GPD2: variants seen among roughly 807,000 people sequenced by gnomAD.
GPD2 encodes the protein glycerol-3-phosphate dehydrogenase, mitochondrial.
Under a neutral mutation model 82.4 loss-of-function variants are expected in GPD2, and 54 were observed. The observed-to-expected ratio is 0.66, with a 90% CI of 0.53 to 0.82. The LOEUF is 0.82. GPD2 is among the 40% of genes least tolerant of loss of function. GPD2 has a pLI of 0.00. For missense variants in GPD2, 748 were observed against 896.2 expected (o/e 0.83, Z 2.11); for synonymous variants, 288 against 306.1 (o/e 0.94, Z 0.62).
chr2:156,558,214 C>G (rs989615608), intron 9 of GPD2, among the ~76,000 whole-genome samples: 1 of 152,108 alleles, frequency 6.6e-6, no homozygotes, highest in African/African-American at 2.4e-5. Flanking sequence ...CATTGTGCTT[C>G]TATATTTCCT....
intron 3 of GPD2, among the ~76,000 whole-genome samples, chr2:156,509,085 A>G (rs1386896279): frequency 6.6e-6 from 1 of 152,202 alleles, no homozygotes; most frequent in Non-Finnish European, 1.5e-5. Context: ...TAAATTCGCT[A>G]GGCATTGCTA....
chr2:156,463,281 AT>A (rs200512031), intron 1 of GPD2, among the ~76,000 whole-genome samples: 75 of 150,880 alleles, frequency 5.0e-4, no homozygotes, highest in African/African-American at 1.6e-3. Flanking sequence ...AGAATACAGA[AT>A]TTTTTTTTTA....
intron 1 of GPD2, among the ~76,000 whole-genome samples, chr2:156,472,377 G>C (rs1683361844): frequency 6.6e-6 from 1 of 152,274 alleles, no homozygotes; most frequent in Non-Finnish European, 1.5e-5. Flanking sequence ...CTGGAGTGCA[G>C]TGGCGCAGTC....
Position 156,570,083 on chromosome 2 carries a change from C to T in GPD2, c.1477-4C>T. On this transcript the variant is annotated splice_polypyrimidine_tract_variant and splice_region_variant and intron_variant, in intron 11 of 16. Coordinates refer to ENST00000438166, the MANE Select transcript of GPD2 (RefSeq NM_000408.5). ...GCCTGCCTAACGCAGCTTTATTTCT[C>T]TAGGTGGCACAGCATCTTGCCGCCA... The T allele has an allele frequency of 6.2e-7, 1 of 1,610,896 alleles. No homozygotes were observed. Among genetic ancestry groups the T allele is most frequent in the South Asian group, 1.1e-5 (1 of 90,966 alleles).
chr2:156,503,518 T>A (rs1361317793), intron 3 of GPD2, among the ~76,000 whole-genome samples: 1 of 152,192 alleles, frequency 6.6e-6, no homozygotes, highest in Non-Finnish European at 1.5e-5. Context: ...CGGGTCAGAA[T>A]TTTATTTATA....
At position 156,436,448 on chromosome 2, in the gene GPD2, C is replaced by A. The variant is rs1573864859; in HGVS notation, c.-74C>A. 1 of 152,566 alleles carries A rather than the reference C, an allele frequency of 6.6e-6. No homozygotes were observed. Among genetic ancestry groups the A allele is most frequent in the Admixed American group, 6.5e-5 (1 of 15,304 alleles). The allele number at this position is 152,566 out of a possible 1,614,324, so 9.5% of individuals were successfully genotyped here. Reference sequence around the variant, plus strand: ...CTCTGATTCTGGGGGGAGGCCGACTCCACCCTGGCTGGAGGAACTGGGTGC... The same window carrying A: ...CTCTGATTCTGGGGGGAGGCCGACTACACCCTGGCTGGAGGAACTGGGTGC... On this transcript the variant is annotated 5_prime_UTR_variant, in exon 1 of 17. Transcript: ENST00000438166.
intron 6 of GPD2, among the ~76,000 whole-genome samples, 182 bp downstream of exon 6, chr2:156,513,678 A>G (rs557009546): frequency 6.6e-6 from 1 of 152,200 alleles, no homozygotes; most frequent in South Asian, 2.1e-4. Flanking sequence ...TAACCATACC[A>G]TTTTACCTTT....
At position 156,493,813 on chromosome 2, in the gene GPD2, A is replaced by G. The variant is rs1447859242; in HGVS notation, c.103-2231A>G. On this transcript the variant is annotated intron_variant, in intron 2 of 16. Transcript: ENST00000438166. The stretch of plus-strand genomic sequence containing the variant: ...AGTCCTACCCATCTGTCCTGGCGCA[A>G]TTGAAACCCTCAAATGAAAGACTCT... 2.6e-5 allele frequency among the ~76,000 whole-genome samples: 4 copies of G among 152,188 alleles called. No individual in the cohort carries two copies. In the East Asian group the frequency reaches 5.8e-4, roughly 22 times the overall value.
At chr2:156,497,511 T>G (rs2105244608) in intron 3 of GPD2, among the ~76,000 whole-genome samples, 1 of 152,330 alleles carries the variant, frequency 6.6e-6, no homozygotes, top group East Asian at 1.9e-4. Context: ...ATTTTAACAC[T>G]GAATGGGAAT....
At chr2:156,434,253 G>A (rs1416482787), upstream of GPD2, among the ~76,000 whole-genome samples, 1 of 152,042 alleles carries the variant, frequency 6.6e-6, no homozygotes, top group Admixed American at 6.6e-5. Flanking sequence ...ACAGGTGTTT[G>A]CCACCATGCC....
At chr2:156,520,873 A>T (rs1466716567) in intron 6 of GPD2, among the ~76,000 whole-genome samples, 1 of 152,210 alleles carries the variant, frequency 6.6e-6, no homozygotes, top group Non-Finnish European at 1.5e-5. Context: ...GGCGTGAGCC[A>T]CCATGCCCGG....
the GPD2 span, among the ~76,000 whole-genome samples, chr2:156,425,977 C>T: frequency 3.4e-5 from 5 of 148,344 alleles, no homozygotes; most frequent in African/African-American, 1.2e-4. Context: ...GGCTGGAGTG[C>T]AGTGGCGCCA....
At chr2:156,502,383 A>G (rs1459071210) in intron 3 of GPD2, among the ~76,000 whole-genome samples, 1 of 152,156 alleles carries the variant, frequency 6.6e-6, no homozygotes, top group Non-Finnish European at 1.5e-5. Context: ...TATTTACAAA[A>G]TAGCAAACAG....
intron 9 of GPD2, among the ~76,000 whole-genome samples, chr2:156,561,721 A>G (rs764515415): frequency 4.6e-5 from 7 of 152,220 alleles, no homozygotes; most frequent in Non-Finnish European, 8.8e-5. Context: ...GGTTGAAATA[A>G]TCATTCTAAA....
At chr2:156,546,957 C>T (rs1157871763) in intron 6 of GPD2, among the ~76,000 whole-genome samples, 1 of 152,016 alleles carries the variant, frequency 6.6e-6, no homozygotes, top group South Asian at 2.1e-4. Flanking sequence ...CTAAACTTAA[C>T]AGTAATTGGA....
At chr2:156,423,855 C>A in the GPD2 span, among the ~76,000 whole-genome samples, 1 of 152,192 alleles carries the variant, frequency 6.6e-6, no homozygotes, top group Non-Finnish European at 1.5e-5. Context: ...TTATCTCCTA[C>A]CGCTAAGAGC....
At chr2:156,471,302 G>A (rs1052014321) in intron 1 of GPD2, among the ~76,000 whole-genome samples, 7 of 152,098 alleles carry the variant, frequency 4.6e-5, no homozygotes, top group African/African-American at 1.7e-4. Context: ...CTATTTCATT[G>A]CCCTCTAATT....
chr2:156,433,808 T>C (rs1369913358), upstream of GPD2, among the ~76,000 whole-genome samples: 2 of 152,152 alleles, frequency 1.3e-5, no homozygotes, highest in Non-Finnish European at 2.9e-5. Flanking sequence ...AAGAAACATT[T>C]AAACATCAGT....
At chr2:156,431,577 G>A (rs1365769227), upstream of GPD2, among the ~76,000 whole-genome samples, 1 of 151,822 alleles carries the variant, frequency 6.6e-6, no homozygotes, top group Non-Finnish European at 1.5e-5. Context: ...CTCCATGAAA[G>A]TATCTTAATA....
Sources: allele counts gnomAD v4.1 joint callset (sites outside exome capture counted in the v4.1 genomes callset), GRCh38; gene constraint gnomAD v4.1.1; transcripts MANE v1.5; gene names NCBI Gene and HGNC (gene_info 2026-07-23, HGNC 2026-07-21).